Variants in OPHN1 observed in about 807,000 individuals in gnomAD.
The protein encoded by OPHN1 is oligophrenin-1.
OPHN1 carries 11 observed loss-of-function variants against 60.7 expected under a neutral mutation model. The ratio of observed to expected loss-of-function variants is 0.18; its 90% CI spans 0.11 to 0.30. The LOEUF is 0.30. Ranked by LOEUF, OPHN1 falls within the 10% of genes least tolerant of loss-of-function variation. The pLI is 1.00. For missense variants in OPHN1, 449 were observed against 611.0 expected, an observed-to-expected ratio of 0.73 and a Z score of 2.80; for synonymous variants, 226 against 222.6, an observed-to-expected ratio of 1.02 and a Z score of -0.14.
intron 2 of OPHN1, among the ~76,000 whole-genome samples, chrX:68,405,142 A>C (rs1236736962): frequency 1.8e-5 from 2 of 112,523 alleles, no homozygotes; most frequent in African/African-American, 6.5e-5. Flanking sequence ...TGCACATTTG[A>C]AATAATAATG....
chrX:68,221,637 T>C (rs1309488884), intron 6 of OPHN1, among the ~76,000 whole-genome samples: 1 of 71,349 alleles, frequency 1.4e-5, no homozygotes, highest in Non-Finnish European at 2.8e-5. Flanking sequence ...TACCTACAAC[T>C]ATCTGATCTT....
chrX:68,091,279 C>T (rs761108209), intron 19 of OPHN1, among the ~76,000 whole-genome samples: 1 of 111,730 alleles, frequency 9.0e-6, no homozygotes, highest in East Asian at 2.8e-4. Flanking sequence ...GAATACAAAT[C>T]TAAGTCTACA....
chrX:68,346,076 C>T (rs890398442), intron 2 of OPHN1, among the ~76,000 whole-genome samples: 4 of 111,319 alleles, frequency 3.6e-5, no homozygotes, highest in Admixed American at 9.6e-5. Context: ...TGCAGTGGGC[C>T]GTGATCGCAC....
At chrX:68,099,583 T>A (rs1019014276) in intron 18 of OPHN1, among the ~76,000 whole-genome samples, 2 of 111,603 alleles carry the variant, frequency 1.8e-5, no homozygotes, top group African/African-American at 6.5e-5. Flanking sequence ...CTAGGTCACA[T>A]CTAATGTAAC....
chrX:68,098,151 T>C (rs1399638830), intron 18 of OPHN1, among the ~76,000 whole-genome samples: 2 of 110,991 alleles, frequency 1.8e-5, no homozygotes, highest in Middle Eastern at 4.7e-3. Flanking sequence ...TCCTTGGAGA[T>C]GCACATAACG....
At chrX:68,340,017 C>T (rs2147689656) in intron 2 of OPHN1, among the ~76,000 whole-genome samples, 1 of 112,347 alleles carries the variant, frequency 8.9e-6, no homozygotes, top group South Asian at 3.7e-4. Flanking sequence ...TTAATGCAAA[C>T]TTTGTATACT....
At chrX:68,340,743 C>A (rs1377948499) in intron 2 of OPHN1, among the ~76,000 whole-genome samples, 1 of 111,454 alleles carries the variant, frequency 9.0e-6, no homozygotes, top group Non-Finnish European at 1.9e-5. Flanking sequence ...TGGGATCACA[C>A]CTGTAATCCC....
rs148634684 is a variant in OPHN1 at position 68,390,704 on chromosome X, G to A, written c.154+42163C>T. 5.3e-3 allele frequency among the ~76,000 whole-genome samples: 589 copies of A among 112,024 alleles called. 2 individuals are homozygous for A. The highest frequency in any genetic ancestry group is 0.018 in the African/African-American group (566 of 30,872). The stretch of plus-strand genomic sequence containing the variant: ...TTGGAAATATAATGGTGATCAAGAC[G>A]TAAATGGTCCCTGCCCTTGTACAAC... On this transcript the variant is annotated intron_variant, in intron 2 of 24. Coordinates refer to ENST00000355520, the MANE Select transcript of OPHN1 (RefSeq NM_002547.3).
At chrX:68,269,369 G>A (rs761665338) in intron 5 of OPHN1, among the ~76,000 whole-genome samples, 104 of 111,502 alleles carry the variant, frequency 9.3e-4, no homozygotes, top group African/African-American at 3.2e-3. Flanking sequence ...AAAACAGCAT[G>A]GTATTGGTAC....
intron 15 of OPHN1, among the ~76,000 whole-genome samples, chrX:68,133,752 A>G (rs2077207908): frequency 8.9e-6 from 1 of 112,054 alleles, no homozygotes; most frequent in Non-Finnish European, 1.9e-5. Flanking sequence ...GAGCTTCCCC[A>G]AGCACAGTTC....
At chrX:68,146,339 G>C (rs1381366840) in intron 15 of OPHN1, among the ~76,000 whole-genome samples, 2 of 111,571 alleles carry the variant, frequency 1.8e-5, no homozygotes, top group Non-Finnish European at 3.8e-5. Context: ...GGAGGCCTGT[G>C]ATATCCACCA....
At chrX:68,269,009 A>G (rs1010168196) in intron 5 of OPHN1, among the ~76,000 whole-genome samples, 1 of 111,499 alleles carries the variant, frequency 9.0e-6, no homozygotes, top group African/African-American at 3.3e-5. Context: ...AGAATAAAAT[A>G]CCTAGGAATC....
chrX:68,162,829 C>T (rs1160475331), intron 15 of OPHN1, among the ~76,000 whole-genome samples: 1 of 110,591 alleles, frequency 9.0e-6, no homozygotes, highest in Non-Finnish European at 1.9e-5. Flanking sequence ...TTTTAGAATA[C>T]GGACAAGCTG....
At chrX:68,071,501 C>A in intron 20 of OPHN1, 1 of 736,265 alleles carries the variant, frequency 1.4e-6, no homozygotes, top group South Asian at 2.1e-5. Flanking sequence ...ACATCCTTGC[C>A]CAGCAGAGAT....
intron 18 of OPHN1, among the ~76,000 whole-genome samples, chrX:68,108,868 T>C (rs1024705045): frequency 8.9e-6 from 1 of 111,894 alleles, no homozygotes; most frequent in Non-Finnish European, 1.9e-5. Flanking sequence ...AACATTAATA[T>C]GGCTTAATAG....
chrX:68,407,749 T>A (rs2078750644), intron 2 of OPHN1, among the ~76,000 whole-genome samples: 1 of 111,928 alleles, frequency 8.9e-6, no homozygotes, highest in Admixed American at 9.5e-5. Context: ...TACAAAATTA[T>A]CCAAATGGAG....
chrX:68,137,675 T>C (rs1434967705), intron 15 of OPHN1, among the ~76,000 whole-genome samples: 1 of 112,152 alleles, frequency 8.9e-6, no homozygotes, highest in African/African-American at 3.2e-5. Flanking sequence ...TGTATATGTG[T>C]ACATATGAGT....
At chrX:68,261,063 C>T (rs1479595593) in intron 5 of OPHN1, among the ~76,000 whole-genome samples, 1 of 111,603 alleles carries the variant, frequency 9.0e-6, no homozygotes, top group African/African-American at 3.3e-5. Context: ...CATCAATGCC[C>T]TCTTGCCTGC....
chrX:68,190,679 A>AT (rs2077484175), intron 15 of OPHN1, among the ~76,000 whole-genome samples: 1 of 112,098 alleles, frequency 8.9e-6, no homozygotes, highest in Non-Finnish European at 1.9e-5. Flanking sequence ...CTGGCATGGC[A>AT]TTTTTTAGCT....
Sources: allele counts gnomAD v4.1 joint callset (sites outside exome capture counted in the v4.1 genomes callset), GRCh38; gene constraint gnomAD v4.1.1; transcripts MANE v1.5; gene names NCBI Gene and HGNC (gene_info 2026-07-23, HGNC 2026-07-21).